The following C5orf47 variants were observed in gnomAD, a reference collection of about 807,000 sequenced individuals.
C5orf47 encodes the protein uncharacterized protein C5orf47.
Under a neutral mutation model 20.6 loss-of-function variants are expected in C5orf47, and 20 were observed. The observed-to-expected ratio is 0.97, with a 90% CI of 0.68 to 1.41. The LOEUF (loss-of-function observed/expected upper bound fraction) is 1.41. C5orf47 is among the 40% of genes most tolerant of loss of function. The pLI, the probability that C5orf47 is intolerant of heterozygous loss-of-function variation, is 0.00. For missense variants in C5orf47, 262 were observed against 238.4 expected, an observed-to-expected ratio of 1.10 and a Z score of -0.65; for synonymous variants, 106 against 97.3, an observed-to-expected ratio of 1.09 and a Z score of -0.53.
At chr5:173,998,304 T>C (rs1229372308) in intron 2 of C5orf47, 66 bp downstream of exon 2, 9 of 824,606 alleles carry the variant, frequency 1.1e-5, no homozygotes, top group Non-Finnish European at 3.9e-6. Context: ...AATACAAATG[T>C]GTAAAGATAT....
rs1363914509 is a variant in C5orf47, at chr5:173,989,367, G to A, written c.104G>A (p.Arg35His). The A allele has an allele frequency of 2.6e-6, 4 of 1,521,050 alleles. No individual in the cohort carries two copies. Among genetic ancestry groups the A allele is most frequent in the South Asian group, 1.3e-5 (1 of 79,886 alleles). The allele number at this position is 1,521,050 out of a possible 1,614,324, so 94.2% of individuals were successfully genotyped here. A position where few individuals can be genotyped will look rare whatever the true frequency, so the allele number is the denominator to read the frequency against. The stretch of plus-strand genomic sequence containing the variant: ...AGTGGCGTCCTGCAACTGGGCGGCC[G>A]TGGAGCTCAAGGCCTTTGGGGTCAG... ...QCSGVLQLGG[R>H]GAQGLWGQGP... Residue 35 changes from arginine (R) to histidine (H), a missense_variant, in exon 1 of 5, where the codon CGT becomes CAT. Arg to His is a conservative substitution (Grantham distance 29, BLOSUM62 0). Transcript: ENST00000340147.
At chr5:174,001,008 T>C (rs1352720667) in intron 3 of C5orf47, among the ~76,000 whole-genome samples, 188 bp from the exon 4 acceptor site, 1 of 152,162 alleles carries the variant, frequency 6.6e-6, no homozygotes, top group East Asian at 1.9e-4. Flanking sequence ...TTTCCATAAA[T>C]AGCCTCTGGT....
chr5:173,998,424 A>G (rs1759138252), intron 2 of C5orf47, among the ~76,000 whole-genome samples, 186 bp downstream of exon 2: 1 of 152,216 alleles, frequency 6.6e-6, no homozygotes, highest in African/African-American at 2.4e-5. Context: ...TATTAACCAT[A>G]AAGAATTGTC....
At chr5:173,995,621 G>A (rs1759075369) in intron 1 of C5orf47, among the ~76,000 whole-genome samples, 1 of 152,214 alleles carries the variant, frequency 6.6e-6, no homozygotes, top group Non-Finnish European at 1.5e-5. Flanking sequence ...CATGCAGAGT[G>A]CCTAGCACAG....
At position 173,992,520 on chromosome 5, in the gene C5orf47, A is replaced by G. The variant is rs568380253; in HGVS notation, c.325+2932A>G. Among the ~76,000 whole-genome samples the G allele has an allele frequency of 1.4e-4, 21 of 152,140 alleles. No homozygotes were observed. In the South Asian group the frequency reaches 1.7e-3, roughly 12 times the overall value. The stretch of plus-strand genomic sequence containing the variant: ...TATTTCTTGTGCTTTCTTTTGGTTT[A>G]CTTTGTTCTTCTTATACTTTTTTGT... On this transcript the variant is annotated intron_variant, in intron 1 of 4. Coordinates refer to ENST00000340147, the MANE Select transcript of C5orf47 (RefSeq NM_001144954.2).
chr5:174,007,986 G>A (rs1175446875), downstream of C5orf47, among the ~76,000 whole-genome samples: 3 of 152,278 alleles, frequency 2.0e-5, no homozygotes, highest in African/African-American at 7.2e-5. Context: ...CAGGTGGCTC[G>A]TATACTGGAG....
intron 2 of C5orf47, among the ~76,000 whole-genome samples, chr5:173,998,817 A>G (rs1312205862): frequency 1.3e-5 from 2 of 152,230 alleles, no homozygotes; most frequent in East Asian, 3.8e-4. Flanking sequence ...TTCAGTTTAA[A>G]GAAATTATTG....
At chr5:174,008,136 A>G (rs930079387), downstream of C5orf47, among the ~76,000 whole-genome samples, 1 of 152,174 alleles carries the variant, frequency 6.6e-6, no homozygotes, top group African/African-American at 2.4e-5. Flanking sequence ...TCCAGTGGCC[A>G]TGGGTATGCT....
At chr5:174,008,563 T>C (rs1333801478), downstream of C5orf47, among the ~76,000 whole-genome samples, 1 of 152,180 alleles carries the variant, frequency 6.6e-6, no homozygotes, top group Non-Finnish European at 1.5e-5. Context: ...CCAGGAGTGG[T>C]GGCTCACGCC....
chr5:174,001,015 T>C (rs1404811874), intron 3 of C5orf47, among the ~76,000 whole-genome samples, 181 bp from the exon 4 acceptor site: 1 of 152,186 alleles, frequency 6.6e-6, no homozygotes, highest in African/African-American at 2.4e-5. Flanking sequence ...AAATAGCCTC[T>C]GGTAAACCAG....
At chr5:174,002,453 G>A (rs568769499) in intron 4 of C5orf47, among the ~76,000 whole-genome samples, 2 of 152,252 alleles carry the variant, frequency 1.3e-5, no homozygotes, top group African/African-American at 4.8e-5. Context: ...AGGGAATGAA[G>A]AGATGGAATA....
chr5:173,989,596 A>G lies in C5orf47; in HGVS notation c.325+8A>G, dbSNP rs1758944949. The G allele has an allele frequency of 1.4e-6, 2 of 1,425,670 alleles. No homozygotes were observed. Among genetic ancestry groups the G allele is most frequent in the Non-Finnish European group, 1.8e-6 (2 of 1,089,820 alleles). 88.3% of individuals were successfully genotyped at this position (1,425,670 alleles called of 1,614,324 possible). On this transcript the variant is annotated splice_region_variant and intron_variant, in intron 1 of 4. Transcript: ENST00000340147. Reference sequence around the variant, plus strand: ...GACAGTCGGCGCGTGCAGGTGGTGCAGCGGGGCAGGGCGGGACCGGGCGCG... The same window carrying G: ...GACAGTCGGCGCGTGCAGGTGGTGCGGCGGGGCAGGGCGGGACCGGGCGCG...
chr5:173,989,209 G>T lies in C5orf47; in HGVS notation c.-55G>T. 1 of 1,356,080 alleles carries T rather than the reference G, an allele frequency of 7.4e-7. No homozygotes were observed. The highest frequency in any genetic ancestry group is 1.8e-5 in the South Asian group (1 of 54,648). 84.0% of individuals were successfully genotyped at this position (1,356,080 alleles called of 1,614,324 possible). On this transcript the variant is annotated 5_prime_UTR_variant, in exon 1 of 5. Transcript: ENST00000340147. ...CCCTCGCCTGCACAGTGGGCAGTCT[G>T]GCGCCTGTGGCGTCGTGTTTGCTGA...
At chr5:174,009,531 T>A (rs1759341734), downstream of C5orf47, among the ~76,000 whole-genome samples, 1 of 151,120 alleles carries the variant, frequency 6.6e-6, no homozygotes, top group South Asian at 2.1e-4. Flanking sequence ...ATATATTGTG[T>A]TTTCTCTTTT....
intron 1 of C5orf47, 44 bp from the exon 2 acceptor site, chr5:173,998,109 A>G (rs1398384568): frequency 8.9e-7 from 1 of 1,126,002 alleles, no homozygotes; most frequent in Non-Finnish European, 1.3e-6. Context: ...CAGATAGTAA[A>G]TCCTTATATA....
intron 1 of C5orf47, among the ~76,000 whole-genome samples, chr5:173,996,143 A>C (rs1273339658): frequency 1.3e-5 from 2 of 152,224 alleles, no homozygotes; most frequent in Non-Finnish European, 2.9e-5. Context: ...TGAGATTTAC[A>C]CATGGGGCTG....
At chr5:173,994,391 T>G (rs754676227) in intron 1 of C5orf47, among the ~76,000 whole-genome samples, 17 of 152,164 alleles carry the variant, frequency 1.1e-4, no homozygotes, top group African/African-American at 1.2e-4. Flanking sequence ...TTTTGGAGCT[T>G]CTTCTCAGTC....
chr5:173,989,868 C>G (rs927139910), intron 1 of C5orf47, among the ~76,000 whole-genome samples: 20 of 152,180 alleles, frequency 1.3e-4, no homozygotes, highest in African/African-American at 4.8e-4. Flanking sequence ...TCCGTTCCAG[C>G]TGAGTGAGAT....
At chr5:173,992,438 C>T (rs966435536) in intron 1 of C5orf47, among the ~76,000 whole-genome samples, 4 of 151,892 alleles carry the variant, frequency 2.6e-5, no homozygotes, top group South Asian at 2.1e-4. Flanking sequence ...TTGATTTATT[C>T]GTTAGATATT....
Sources: allele counts gnomAD v4.1 joint callset (sites outside exome capture counted in the v4.1 genomes callset), GRCh38; gene constraint gnomAD v4.1.1; transcripts MANE v1.5; gene names NCBI Gene and HGNC (gene_info 2026-07-23, HGNC 2026-07-21).